The following AFG1L variants were observed in gnomAD, a reference collection of about 807,000 sequenced individuals.
The protein encoded by AFG1L is AFG1-like ATPase.
Under a neutral mutation model 62.2 loss-of-function variants are expected in AFG1L, and 53 were observed. The observed-to-expected ratio is 0.85, with a 90% CI of 0.68 to 1.07. The LOEUF is 1.07. Ranked by LOEUF, AFG1L falls within the 50% of genes least tolerant of loss-of-function variation. The pLI, the probability that AFG1L is intolerant of heterozygous loss-of-function variation, is 0.00. For synonymous variants in AFG1L, 228 were observed against 210.3 expected, an observed-to-expected ratio of 1.08 and a Z score of -0.73; for missense variants, 555 against 590.5, an observed-to-expected ratio of 0.94 and a Z score of 0.62.
chr6:108,503,622 C>G (rs1774288895), intron 10 of AFG1L, among the ~76,000 whole-genome samples: 2 of 152,142 alleles, frequency 1.3e-5, no homozygotes, highest in Admixed American at 6.6e-5. Flanking sequence ...CTTAAGGGCT[C>G]TAGGATTTTC....
chr6:108,366,169 C>T, intron 5 of AFG1L, 64 bp from the exon 6 acceptor site: 2 of 897,320 alleles, frequency 2.2e-6, no homozygotes, highest in Non-Finnish European at 3.5e-6. Flanking sequence ...AAAAGATGAT[C>T]CACTAGCAAA....
At chr6:108,348,111 C>G (rs1021256555) in intron 3 of AFG1L, among the ~76,000 whole-genome samples, 1 of 152,126 alleles carries the variant, frequency 6.6e-6, no homozygotes, top group Non-Finnish European at 1.5e-5. Context: ...GATGGAGTCT[C>G]TCTCTGTCAC....
At position 108,470,657 on chromosome 6, in the gene AFG1L, G is replaced by T. The variant is rs145612107; in HGVS notation, c.891-6208G>T. 9.5e-3 allele frequency among the ~76,000 whole-genome samples: 1,449 copies of T among 152,240 alleles called. 17 individuals are homozygous for T. The highest frequency in any genetic ancestry group is 0.033 in the African/African-American group (1,370 of 41,522). On this transcript the variant is annotated intron_variant, in intron 8 of 12. Transcript: ENST00000368977. ...TGTGGGACATTTCTTTTTCACTTTT[G>T]TGATGCTAGGAACAGTATTACAGTG... is the stretch of plus-strand genomic sequence containing the variant.
chr6:108,467,811 T>A (rs190384237), intron 8 of AFG1L, among the ~76,000 whole-genome samples: 17 of 152,372 alleles, frequency 1.1e-4, no homozygotes, highest in Admixed American at 8.5e-4. Context: ...ACACATAAAA[T>A]GTAATAAATA....
At chr6:108,446,051 TACACACACACACACACACACACACAC>T (rs67384163) in intron 7 of AFG1L, among the ~76,000 whole-genome samples, 2 of 141,794 alleles carry the variant, frequency 1.4e-5, no homozygotes, top group African/African-American at 5.3e-5. Flanking sequence ...TATGTAGAGA[TACACACACACACACACACACACACAC>T]ACACACACAC....
At chr6:108,493,906 A>G (rs561802683) in intron 10 of AFG1L, among the ~76,000 whole-genome samples, 1 of 152,216 alleles carries the variant, frequency 6.6e-6, no homozygotes, top group South Asian at 2.1e-4. Context: ...GCATGATCTC[A>G]GCTCACTGCA....
intron 6 of AFG1L, among the ~76,000 whole-genome samples, chr6:108,396,048 G>T (rs201678737): frequency 2.8e-5 from 4 of 141,486 alleles, no homozygotes; most frequent in Non-Finnish European, 6.2e-5. Context: ...TTGTTTTTTT[G>T]TTTTTTTTTT....
chr6:108,432,037 G>A (rs141189007), intron 7 of AFG1L, among the ~76,000 whole-genome samples: 105 of 150,368 alleles, frequency 7.0e-4, no homozygotes, highest in Admixed American at 1.9e-3. Flanking sequence ...GCCATCAGGT[G>A]CCGGCGCTTT....
intron 11 of AFG1L, among the ~76,000 whole-genome samples, chr6:108,516,087 TAC>T (rs1409835524): frequency 6.6e-6 from 1 of 152,236 alleles, no homozygotes; most frequent in Non-Finnish European, 1.5e-5. Context: ...GAGGAGCTGG[TAC>T]CATTCCTTCT....
intron 8 of AFG1L, among the ~76,000 whole-genome samples, chr6:108,467,203 A>G (rs1772709732): frequency 6.6e-6 from 1 of 151,962 alleles, no homozygotes; most frequent in South Asian, 2.1e-4. Context: ...GAAGTTTTTA[A>G]TTTTAAAAAT....
intron 2 of AFG1L, among the ~76,000 whole-genome samples, chr6:108,337,425 A>G (rs1475308506): frequency 6.6e-6 from 1 of 152,084 alleles, no homozygotes; most frequent in African/African-American, 2.4e-5. Flanking sequence ...GTGTTTTATT[A>G]TTTGTGCTTT....
intron 1 of AFG1L, among the ~76,000 whole-genome samples, chr6:108,310,755 A>G (rs1554268145): frequency 6.6e-6 from 1 of 151,490 alleles, no homozygotes; most frequent in Non-Finnish European, 1.5e-5. Flanking sequence ...TTGTATTTTT[A>G]TTGGTGATGG....
chr6:108,468,766 T>G (rs1174447314), intron 8 of AFG1L, among the ~76,000 whole-genome samples: 1 of 151,718 alleles, frequency 6.6e-6, no homozygotes, highest in Non-Finnish European at 1.5e-5. Flanking sequence ...TTCCTTTTTT[T>G]TTTTTTTGGT....
chr6:108,483,324 A>C (rs1030767224), intron 10 of AFG1L, among the ~76,000 whole-genome samples: 1 of 152,184 alleles, frequency 6.6e-6, no homozygotes, highest in Non-Finnish European at 1.5e-5. Context: ...AATTTTTCTC[A>C]GTTTTAATTT....
intron 7 of AFG1L, among the ~76,000 whole-genome samples, chr6:108,442,473 T>A (rs1471150531): frequency 1.3e-5 from 2 of 152,044 alleles, no homozygotes; most frequent in Non-Finnish European, 2.9e-5. Flanking sequence ...AGGAGAGGCC[T>A]GGGGAGTTGG....
At chr6:108,514,997 G>A (rs1774819327) in intron 11 of AFG1L, among the ~76,000 whole-genome samples, 1 of 152,084 alleles carries the variant, frequency 6.6e-6, no homozygotes, top group Non-Finnish European at 1.5e-5. Context: ...GATTAATAAA[G>A]CAAGTCCTTA....
chr6:108,305,643 G>A (rs1777173694), intron 1 of AFG1L, among the ~76,000 whole-genome samples: 1 of 151,978 alleles, frequency 6.6e-6, no homozygotes, highest in African/African-American at 2.4e-5. Context: ...ATATTGCCCA[G>A]GCTGGTCTTG....
intron 10 of AFG1L, among the ~76,000 whole-genome samples, chr6:108,480,195 G>T (rs750180914): frequency 7.2e-5 from 11 of 152,012 alleles, no homozygotes; most frequent in Non-Finnish European, 1.3e-4. Context: ...ATTCAGTACC[G>T]TCATGTTCAG....
chr6:108,511,114 G>C (rs987216726), intron 11 of AFG1L, among the ~76,000 whole-genome samples: 4 of 149,708 alleles, frequency 2.7e-5, no homozygotes, highest in African/African-American at 7.4e-5. Context: ...AGAAGAAGAA[G>C]AAGAAGTAGA....
Sources: allele counts gnomAD v4.1 joint callset (sites outside exome capture counted in the v4.1 genomes callset), GRCh38; gene constraint gnomAD v4.1.1; transcripts MANE v1.5; gene names NCBI Gene and HGNC (gene_info 2026-07-23, HGNC 2026-07-21).